RSPH14: variants seen among roughly 807,000 people sequenced by gnomAD.
RSPH14 encodes rhabdoid tumor deletion region gene 1.
Under a neutral mutation model 26.7 loss-of-function variants are expected in RSPH14, and 20 were observed. The ratio of observed to expected loss-of-function variants is 0.75; its 90% CI spans 0.53 to 1.09. The LOEUF (loss-of-function observed/expected upper bound fraction) is 1.09, where lower values mean the gene tolerates loss of function less well. Among genes scored for constraint, RSPH14 ranks in the 50% least tolerant of loss-of-function variants. The pLI is 0.00. For missense variants in RSPH14, 449 were observed against 457.2 expected, an observed-to-expected ratio of 0.98 and a Z score of 0.16; for synonymous variants, 177 against 189.3, an observed-to-expected ratio of 0.93 and a Z score of 0.53.
At chr22:23,087,419 G>A (rs990319875) in intron 4 of RSPH14, among the ~76,000 whole-genome samples, 6 of 152,134 alleles carry the variant, frequency 3.9e-5, no homozygotes, top group African/African-American at 1.4e-4. Context: ...AACTGTGATG[G>A]TGCACTGCAG....
the RSPH14 span, among the ~76,000 whole-genome samples, chr22:23,170,092 T>A: frequency 1.6e-5 from 1 of 62,310 alleles, no homozygotes; most frequent in Non-Finnish European, 3.1e-5. Flanking sequence ...ACAAGACCCT[T>A]TAAAAAAAAA....
intron 4 of RSPH14, among the ~76,000 whole-genome samples, chr22:23,072,284 C>T (rs2068398814): frequency 6.6e-6 from 1 of 152,102 alleles, no homozygotes; most frequent in South Asian, 2.1e-4. Flanking sequence ...AGCCTGGGAG[C>T]ATCCATCTAC....
chr22:23,163,531 A>G, the RSPH14 span: 1 of 151,968 alleles, frequency 6.6e-6, no homozygotes, highest in Non-Finnish European at 1.5e-5. Flanking sequence ...TCCGGCCTCC[A>G]TAAATGACTT....
At chr22:23,093,595 G>T (rs544212095) in intron 4 of RSPH14, among the ~76,000 whole-genome samples, 1 of 152,330 alleles carries the variant, frequency 6.6e-6, no homozygotes, top group East Asian at 1.9e-4. Context: ...ACTGCTACTG[G>T]CTGTCACTCT....
In RSPH14 at chr22:23,074,903, G is replaced by C. The variant is rs567604186; in HGVS notation, c.422-10770C>G. Among the ~76,000 whole-genome samples the C allele has an allele frequency of 1.1e-3, 163 of 152,226 alleles. 1 individual carries two copies. The highest frequency in any genetic ancestry group is 3.7e-3 in the African/African-American group (154 of 41,540). The stretch of plus-strand genomic sequence containing the variant: ...ATTATTAAGGGCCTGACATGATGGC[G>C]CACACCTGTAATCCTATACTATGGG... On this transcript the variant is annotated intron_variant, in intron 4 of 6. Coordinates refer to ENST00000216036, the MANE Select transcript of RSPH14 (RefSeq NM_014433.3).
intron 4 of RSPH14, chr22:23,124,506 T>C (rs779119158): frequency 5.6e-6 from 2 of 359,422 alleles, no homozygotes; most frequent in Non-Finnish European, 6.0e-6. Context: ...TTCTGCTTTG[T>C]TTTTATTTAA....
At chr22:23,088,903 T>C (rs3788346) in intron 4 of RSPH14, among the ~76,000 whole-genome samples, 52,540 of 152,162 alleles carry the variant, frequency 0.35, 9,919 homozygotes, top group African/African-American at 0.51. Flanking sequence ...TCTGAGTGGC[T>C]TCTATTGGGC....
At chr22:23,091,097 C>T (rs1483999784) in intron 4 of RSPH14, among the ~76,000 whole-genome samples, 1 of 152,198 alleles carries the variant, frequency 6.6e-6, no homozygotes, top group Non-Finnish European at 1.5e-5. Flanking sequence ...CACCAGTACA[C>T]ATGCAGCTGC....
chr22:23,131,658 C>G, intron 4 of RSPH14: 1 of 1,303,794 alleles, frequency 7.7e-7, no homozygotes, highest in Non-Finnish European at 1.0e-6. Flanking sequence ...GGACTAGACC[C>G]TCGCTTATTC....
rs763021987 is a variant in RSPH14, at chr22:23,061,893, G to C, written c.706C>G (p.Leu236Val). The change falls in exon 6 of 7, where the codon CTG becomes GTG. Residue 236 changes from leucine to valine, a missense_variant. Transcript: ENST00000216036. ...ACTGGGTCTTTCAGCAGATGGACCA[G>C]GATGGGGATGACGTCAAAATGACAC... Reference protein sequence around the residue: ...QVCHFDVIPILVHLLKDPVEH... With the variant: ...QVCHFDVIPIVVHLLKDPVEH... The C allele has an allele frequency of 6.2e-6, 10 of 1,614,084 alleles. No homozygotes were observed. The highest frequency in any genetic ancestry group is 7.6e-6 in the Non-Finnish European group (9 of 1,180,028).
At chr22:23,165,430 G>A in the RSPH14 span, among the ~76,000 whole-genome samples, 2 of 152,192 alleles carry the variant, frequency 1.3e-5, no homozygotes, top group East Asian at 1.9e-4. Context: ...GGCGGTTTGG[G>A]GCTGGAGGAT....
chr22:23,075,449 T>A (rs1310933725), intron 4 of RSPH14, among the ~76,000 whole-genome samples: 1 of 152,200 alleles, frequency 6.6e-6, no homozygotes, highest in Non-Finnish European at 1.5e-5. Context: ...GATGGTCCCA[T>A]CAGCAGGCCC....
intron 4 of RSPH14, among the ~76,000 whole-genome samples, chr22:23,122,020 G>A (rs1391735021): frequency 1.3e-5 from 2 of 152,234 alleles, no homozygotes; most frequent in Middle Eastern, 3.4e-3. Context: ...TGTGAGCCAC[G>A]GCGCCTGGCC....
At chr22:23,067,944 G>C (rs899265679) in intron 4 of RSPH14, among the ~76,000 whole-genome samples, 1 of 152,216 alleles carries the variant, frequency 6.6e-6, no homozygotes, top group African/African-American at 2.4e-5. Context: ...ATTATGTCCA[G>C]TAGGACAACT....
chr22:23,153,779 C>G, the RSPH14 span, among the ~76,000 whole-genome samples: 1 of 144,720 alleles, frequency 6.9e-6, no homozygotes, highest in Non-Finnish European at 1.5e-5. Context: ...TCACTGCAAC[C>G]TCCACTTCAA....
Position 23,071,203 on chromosome 22 carries a change from A to G in RSPH14, c.422-7070T>C, listed in dbSNP as rs991000400. On this transcript the variant is annotated intron_variant, in intron 4 of 6. Transcript: ENST00000216036. This position sits in a 1 kb window ranked among gnomAD's most constrained non-coding sequence, Gnocchi z 4.1. Reference sequence around the variant, plus strand: ...CCGGCTCAATATTTTTTCCCTTAAAAGGCGGTGGGGGTGTTTGGGGGAGGG... The same window carrying G: ...CCGGCTCAATATTTTTTCCCTTAAAGGGCGGTGGGGGTGTTTGGGGGAGGG... 1.3e-5 allele frequency among the ~76,000 whole-genome samples: 2 copies of G among 149,678 alleles called. No homozygotes were observed. The highest frequency in any genetic ancestry group is 5.0e-5 in the African/African-American group (2 of 40,196).
chr22:23,064,147 A>G lies in RSPH14; in HGVS notation c.422-14T>C. ...TCTCTTGGGCCCCTACAAGGCAGGA[A>G]AGGGCACTGAGGGCGGGCTGGCCAC... On this transcript the variant is annotated splice_polypyrimidine_tract_variant and intron_variant, in intron 4 of 6. Transcript: ENST00000216036. 1 of 1,613,216 alleles carries G rather than the reference A, an allele frequency of 6.2e-7. No individual in the cohort carries two copies. The highest frequency in any genetic ancestry group is 1.7e-5 in the Admixed American group (1 of 60,010).
At chr22:23,162,812 T>G in the RSPH14 span, 3 of 450,700 alleles carry the variant, frequency 6.7e-6, no homozygotes, top group South Asian at 4.7e-5. Flanking sequence ...CCTGTAAATG[T>G]TCAGCTCAGC....
chr22:23,174,342 T>A, the RSPH14 span, among the ~76,000 whole-genome samples: 2 of 151,284 alleles, frequency 1.3e-5, no homozygotes, highest in African/African-American at 4.9e-5. Context: ...CGTCTAAGGC[T>A]GCAGTGAGCT....
Sources: allele counts gnomAD v4.1 joint callset (sites outside exome capture counted in the v4.1 genomes callset), GRCh38; gene constraint gnomAD v4.1.1; non-coding constraint Gnocchi (gnomAD v3.1); transcripts MANE v1.5; gene names NCBI Gene and HGNC (gene_info 2026-07-23, HGNC 2026-07-21).